Variants in GPR158 observed in about 807,000 individuals in gnomAD.
GPR158 encodes the protein metabotropic glycine receptor.
GPR158 carries 30 observed loss-of-function variants against 78.2 expected under a neutral mutation model. The ratio of observed to expected loss-of-function variants is 0.38; its 90% CI spans 0.29 to 0.52. The LOEUF (loss-of-function observed/expected upper bound fraction) is 0.52, where lower values mean the gene tolerates loss of function less well. Among genes scored for constraint, GPR158 ranks in the 20% least tolerant of loss-of-function variants. The pLI, the probability that GPR158 is intolerant of heterozygous loss-of-function variation, is 0.83. For missense variants in GPR158, 1,463 were observed against 1,523.5 expected (o/e 0.96, Z 0.66); for synonymous variants, 581 against 591.1 (o/e 0.98, Z 0.25).
At chr10:25,206,454 TTTTTC>T (rs1853031598) in intron 1 of GPR158, among the ~76,000 whole-genome samples, 1 of 152,112 alleles carries the variant, frequency 6.6e-6, no homozygotes, top group South Asian at 2.1e-4. Context: ...AAGTTTAACT[TTTTTC>T]TATTATAAAA....
chr10:25,285,869 C>T (rs976269746), intron 2 of GPR158, among the ~76,000 whole-genome samples: 4 of 152,146 alleles, frequency 2.6e-5, no homozygotes, highest in Admixed American at 2.6e-4. Flanking sequence ...TTAGATTCTC[C>T]TTTAATCTTG....
At chr10:25,371,015 G>T (rs140679019) in intron 2 of GPR158, among the ~76,000 whole-genome samples, 110,687 of 137,542 alleles carry the variant, frequency 0.8, 45,624 homozygotes, top group Non-Finnish European at 0.87. Flanking sequence ...GTTTTCCATT[G>T]GCTTGGTAGA....
At chr10:25,270,133 A>G (rs1210713272) in intron 2 of GPR158, among the ~76,000 whole-genome samples, 1 of 152,172 alleles carries the variant, frequency 6.6e-6, no homozygotes, top group South Asian at 2.1e-4. Flanking sequence ...AGTATAAAGT[A>G]AGATACTTCA....
At chr10:25,520,481 TG>T (rs1162341480) in intron 5 of GPR158, among the ~76,000 whole-genome samples, 2 of 150,426 alleles carry the variant, frequency 1.3e-5, no homozygotes, top group Non-Finnish European at 2.9e-5. Flanking sequence ...TTTTCTGTTC[TG>T]TTTTTTCCCC....
At chr10:25,515,520 TC>T (rs1836154657) in intron 5 of GPR158, among the ~76,000 whole-genome samples, 2 of 81,594 alleles carry the variant, frequency 2.5e-5, no homozygotes, top group African/African-American at 4.8e-5. Context: ...CCCTCCCCCC[TC>T]CCCCCACCCC....
intron 4 of GPR158, among the ~76,000 whole-genome samples, chr10:25,426,477 T>C (rs1834821948): frequency 6.6e-6 from 1 of 152,108 alleles, no homozygotes; most frequent in Non-Finnish European, 1.5e-5. Context: ...AACATGTGAC[T>C]TTTCCTTTTT....
At chr10:25,400,879 C>T (rs946086768) in intron 3 of GPR158, among the ~76,000 whole-genome samples, 4 of 152,138 alleles carry the variant, frequency 2.6e-5, no homozygotes, top group Non-Finnish European at 5.9e-5. Context: ...ACTTACCTAA[C>T]TCTAGTGCTA....
intron 2 of GPR158, among the ~76,000 whole-genome samples, chr10:25,361,664 G>C (rs772613966): frequency 4.6e-5 from 7 of 151,848 alleles, no homozygotes; most frequent in Non-Finnish European, 1.0e-4. Context: ...TTGTGGTTTT[G>C]ATTTGCATTT....
chr10:25,487,186 A>G (rs556149977), intron 5 of GPR158, among the ~76,000 whole-genome samples: 4 of 152,190 alleles, frequency 2.6e-5, no homozygotes, highest in Admixed American at 2.6e-4. Context: ...GGTGATCTTG[A>G]TTTAATCAGA....
chr10:25,309,469 T>C (rs935454659), intron 2 of GPR158, among the ~76,000 whole-genome samples: 1 of 152,144 alleles, frequency 6.6e-6, no homozygotes, highest in Non-Finnish European at 1.5e-5. Flanking sequence ...TTATTTGATA[T>C]ATGATTTGCA....
chr10:25,505,879 C>T (rs1836007276), intron 5 of GPR158, among the ~76,000 whole-genome samples: 1 of 152,190 alleles, frequency 6.6e-6, no homozygotes. Flanking sequence ...TTTTCTGACC[C>T]AAGCTTTCCT....
intron 2 of GPR158, among the ~76,000 whole-genome samples, chr10:25,270,682 GTCT>G (rs1370689044): frequency 2.0e-5 from 3 of 152,060 alleles, no homozygotes; most frequent in African/African-American, 7.2e-5. Context: ...ATATCTACAA[GTCT>G]TCTTTTACAT....
intron 5 of GPR158, among the ~76,000 whole-genome samples, chr10:25,516,083 C>G (rs1836167861): frequency 6.6e-6 from 1 of 151,814 alleles, no homozygotes. Flanking sequence ...GAGATGATAT[C>G]TCATAGTGGT....
intron 2 of GPR158, among the ~76,000 whole-genome samples, chr10:25,229,310 A>G (rs2130693097): frequency 6.6e-6 from 1 of 152,304 alleles, no homozygotes; most frequent in Admixed American, 6.5e-5. Flanking sequence ...GAGGATTACT[A>G]ACGCAAATAA....
chr10:25,423,381 A>G (rs979136185), intron 4 of GPR158, among the ~76,000 whole-genome samples: 1 of 110,016 alleles, frequency 9.1e-6, no homozygotes, highest in Admixed American at 9.0e-5. Context: ...TGGTAAATCT[A>G]CTTTTAGTTC....
intron 4 of GPR158, among the ~76,000 whole-genome samples, chr10:25,448,242 G>A (rs552298905): frequency 1.3e-5 from 2 of 151,826 alleles, no homozygotes; most frequent in East Asian, 1.9e-4. Context: ...CCGCCACCAC[G>A]CCTGGCTAAT....
intron 2 of GPR158, among the ~76,000 whole-genome samples, chr10:25,336,890 G>A (rs1200787908): frequency 6.6e-6 from 1 of 152,094 alleles, no homozygotes; most frequent in Non-Finnish European, 1.5e-5. Flanking sequence ...CCTTACTGGT[G>A]TAATTCAGTT....
chr10:25,548,355 T>G (rs1836690184), intron 5 of GPR158, among the ~76,000 whole-genome samples: 1 of 152,120 alleles, frequency 6.6e-6, no homozygotes, highest in African/African-American at 2.4e-5. Context: ...CAGAAAAGAA[T>G]TTGTTGAGAT....
rs1588914068 is a variant in GPR158 at position 25,563,810 on chromosome 10, G to A, written c.1515-8839G>A. Among the ~76,000 whole-genome samples, 4 of 147,630 alleles carry A rather than the reference G, an allele frequency of 2.7e-5. No homozygotes were observed. The South Asian group carries it at 8.3e-4, about 31-fold the overall frequency. On this transcript the variant is annotated intron_variant, in intron 6 of 10. Transcript: ENST00000376351. ...TTTATACTTATTGTTTTATGCATCT[G>A]TATTTTATCAGAAGTTGCAAAAAAA... is the stretch of plus-strand genomic sequence containing the variant.
Sources: gnomAD v4.1 joint callset for allele counts (sites outside exome capture counted in the v4.1 genomes callset) on GRCh38, gnomAD v4.1.1 for gene constraint, MANE v1.5 for transcripts, NCBI Gene and HGNC (gene_info 2026-07-23, HGNC 2026-07-21) for gene names.